PPARGC1B: variants seen among roughly 807,000 people sequenced by gnomAD.
PPARGC1B encodes peroxisome proliferator-activated receptor gamma coactivator 1-beta.
A neutral mutation model predicts 101.6 loss-of-function variants in PPARGC1B; 34 were observed. That is an observed-to-expected ratio of 0.33 (90% confidence interval 0.25 to 0.45). The LOEUF (loss-of-function observed/expected upper bound fraction) is 0.45, where lower values mean the gene tolerates loss of function less well. PPARGC1B is among the 20% of genes least tolerant of loss of function. The pLI is 1.00. For synonymous variants in PPARGC1B, 548 were observed against 539.3 expected (o/e 1.02, Z -0.22); for missense variants, 1,234 against 1,317.6 (o/e 0.94, Z 0.98).
chr5:149,827,740 G>T lies in PPARGC1B; in HGVS notation c.465+855G>T, dbSNP rs779653343. On this transcript the variant is annotated intron_variant, in intron 3 of 11. Coordinates refer to ENST00000309241, the MANE Select transcript of PPARGC1B (RefSeq NM_133263.4). ...GTGAGCGTGTGCGGAATGTGGAAAT[G>T]TGCACATGGAATAGCAGCTTTCTAG... Among the ~76,000 whole-genome samples the T allele has an allele frequency of 6.6e-5, 10 of 152,348 alleles. No individual in the cohort carries two copies. The South Asian group carries it at 1.0e-3, about 16-fold the overall frequency.
chr5:149,811,060 C>A (rs918539929), intron 1 of PPARGC1B, among the ~76,000 whole-genome samples: 1 of 152,070 alleles, frequency 6.6e-6, no homozygotes, highest in Non-Finnish European at 1.5e-5. Flanking sequence ...TCAGATAAAG[C>A]GCAAAATTGT....
intron 1 of PPARGC1B, among the ~76,000 whole-genome samples, chr5:149,747,286 G>A (rs1755125135): frequency 6.6e-6 from 1 of 152,162 alleles, no homozygotes; most frequent in Non-Finnish European, 1.5e-5. Flanking sequence ...ATGGTGTAAG[G>A]TAAGAGTCCA....
intron 1 of PPARGC1B, among the ~76,000 whole-genome samples, chr5:149,783,983 A>G (rs1219407287): frequency 6.6e-6 from 1 of 152,032 alleles, no homozygotes; most frequent in Non-Finnish European, 1.5e-5. Context: ...TGCCTGCCCC[A>G]GCCTAGGCAA....
At chr5:149,748,225 C>T (rs900167402) in intron 1 of PPARGC1B, among the ~76,000 whole-genome samples, 10 of 151,948 alleles carry the variant, frequency 6.6e-5, no homozygotes, top group Non-Finnish European at 1.5e-4. Context: ...TAGCTGCTGA[C>T]TTAGGGCATG....
intron 1 of PPARGC1B, among the ~76,000 whole-genome samples, chr5:149,784,809 C>A (rs552960396): frequency 1.3e-5 from 2 of 152,114 alleles, no homozygotes; most frequent in African/African-American, 2.4e-5. Flanking sequence ...CCTTGTCATC[C>A]GCCTGCCTTG....
intron 1 of PPARGC1B, among the ~76,000 whole-genome samples, chr5:149,810,021 G>C (rs1757792554): frequency 1.3e-5 from 2 of 152,212 alleles, no homozygotes; most frequent in African/African-American, 4.8e-5. Flanking sequence ...CCACACAACT[G>C]TTCCAGGAGG....
downstream of PPARGC1B, among the ~76,000 whole-genome samples, chr5:149,856,178 T>G (rs1262394722): frequency 6.6e-6 from 1 of 152,208 alleles, no homozygotes; most frequent in Non-Finnish European, 1.5e-5. Flanking sequence ...TGCAAACTAT[T>G]TTCAGGTTGC....
Position 149,730,553 on chromosome 5 carries a change from C to G in PPARGC1B, c.78+133C>G, listed in dbSNP as rs896695233. 2 of 627,940 alleles carry G rather than the reference C, an allele frequency of 3.2e-6. No individual in the cohort carries two copies. Among genetic ancestry groups the G allele is most frequent in the Non-Finnish European group, 5.2e-6 (2 of 388,050 alleles). 38.9% of individuals were successfully genotyped at this position (627,940 alleles called of 1,614,324 possible). The stretch of plus-strand genomic sequence containing the variant: ...GGGGGTTCCAGGCTGCAGAGCCCCC[C>G]TTCCAGGCGCCCTGCGATGCGCTCC... On this transcript the variant is annotated intron_variant, in intron 1 of 11. Coordinates refer to ENST00000309241, the MANE Select transcript of PPARGC1B (RefSeq NM_133263.4). This position sits in a 1 kb window ranked among gnomAD's most constrained non-coding sequence, Gnocchi z 4.0.
chr5:149,835,733 TATTTGG>T (rs1759034881), intron 7 of PPARGC1B, among the ~76,000 whole-genome samples: 1 of 152,016 alleles, frequency 6.6e-6, no homozygotes. Context: ...CAGGAAGAGG[TATTTGG>T]ATGACTGGGA....
rs748393332 is a variant in PPARGC1B, at chr5:149,826,803, C to T, written c.383C>T (p.Ser128Leu). 10 of 1,613,880 alleles carry T rather than the reference C, an allele frequency of 6.2e-6. No homozygotes were observed. In the East Asian group the frequency reaches 1.3e-4, roughly 22 times the overall value. ...GGDALSCTSA[S>L]PAPSSAPPSP... ...GACGCTCTATCATGCACCTCAGCTT[C>T]GCCTGCCCCCTCATCTGCACCCCCC... The change falls in exon 3 of 12, where the codon TCG becomes TTG. Residue 128 changes from serine (S) to leucine (L), a missense_variant. This residue lies in a region of PPARGC1B where 734 missense variants were observed against 768.4 expected (regional missense o/e 0.96). Coordinates refer to ENST00000309241, the MANE Select transcript of PPARGC1B (RefSeq NM_133263.4).
intron 1 of PPARGC1B, among the ~76,000 whole-genome samples, chr5:149,820,027 T>C (rs149336500): frequency 7.2e-5 from 11 of 152,372 alleles, no homozygotes; most frequent in African/African-American, 2.2e-4. Flanking sequence ...TTATTATTGC[T>C]GTTTTTTGTT....
At chr5:149,818,464 AC>A (rs913924179) in intron 1 of PPARGC1B, among the ~76,000 whole-genome samples, 28 of 152,240 alleles carry the variant, frequency 1.8e-4, no homozygotes, top group African/African-American at 6.7e-4. Context: ...AGGACAGGGG[AC>A]CGGCCGCTTG....
At chr5:149,831,645 A>C (rs538455215) in intron 4 of PPARGC1B, among the ~76,000 whole-genome samples, 1 of 152,190 alleles carries the variant, frequency 6.6e-6, no homozygotes, top group East Asian at 1.9e-4. Context: ...GCCACACCCC[A>C]TTGTGAGCCA....
chr5:149,760,908 G>A (rs1323895806), intron 1 of PPARGC1B, among the ~76,000 whole-genome samples: 4 of 152,270 alleles, frequency 2.6e-5, no homozygotes, highest in Non-Finnish European at 5.9e-5. Context: ...ACTGGGGGAT[G>A]GGGATTAATG....
intron 8 of PPARGC1B, 37 bp from the exon 9 acceptor site, chr5:149,840,004 G>T: frequency 1.2e-6 from 2 of 1,607,376 alleles, no homozygotes; most frequent in South Asian, 2.2e-5. Context: ...GGTATCTCCC[G>T]AGAGTGAGTG....
chr5:149,818,461 G>A (rs944774139), intron 1 of PPARGC1B, among the ~76,000 whole-genome samples: 4 of 152,200 alleles, frequency 2.6e-5, no homozygotes, highest in Admixed American at 2.6e-4. Flanking sequence ...TTGAGGACAG[G>A]GGACCGGCCG....
intron 1 of PPARGC1B, among the ~76,000 whole-genome samples, chr5:149,758,705 T>C (rs534745496): frequency 2.6e-5 from 4 of 152,360 alleles, no homozygotes; most frequent in African/African-American, 9.6e-5. Context: ...GCCTGTGGTC[T>C]TCAGCCTTCT....
intron 1 of PPARGC1B, among the ~76,000 whole-genome samples, chr5:149,780,690 A>G (rs113733159): frequency 2.0e-5 from 3 of 152,260 alleles, no homozygotes; most frequent in African/African-American, 7.2e-5. Context: ...GCCTAGAACT[A>G]GAGAGGAGAT....
At chr5:149,815,145 C>T (rs1373996502) in intron 1 of PPARGC1B, among the ~76,000 whole-genome samples, 1 of 152,224 alleles carries the variant, frequency 6.6e-6, no homozygotes, top group African/African-American at 2.4e-5. Flanking sequence ...ATCCAAGCTT[C>T]ACCCTTTTGG....
Sources: gnomAD v4.1 joint callset for allele counts (sites outside exome capture counted in the v4.1 genomes callset) on GRCh38, gnomAD v4.1.1 for gene constraint, gnomAD v4.1.1 regional missense constraint, Gnocchi (gnomAD v3.1) non-coding constraint, MANE v1.5 for transcripts, NCBI Gene and HGNC (gene_info 2026-07-23, HGNC 2026-07-21) for gene names.